Variants in PDE10A observed in about 807,000 individuals in gnomAD.
The protein encoded by PDE10A is cAMP and cAMP-inhibited cGMP 3',5'-cyclic phosphodiesterase 10A.
A neutral mutation model predicts 97.7 loss-of-function variants in PDE10A; 39 were observed. The ratio of observed to expected loss-of-function variants is 0.40; its 90% CI spans 0.31 to 0.52. The LOEUF is 0.52. Ranked by LOEUF, PDE10A falls within the 20% of genes least tolerant of loss-of-function variation. The pLI is 0.56. For synonymous variants in PDE10A, 371 were observed against 376.8 expected (o/e 0.98, Z 0.18); for missense variants, 731 against 1,047.8 (o/e 0.70, Z 4.17).
chr6:165,556,391 G>A (rs144750407), intron 1 of PDE10A, among the ~76,000 whole-genome samples: 93 of 152,338 alleles, frequency 6.1e-4, no homozygotes, highest in African/African-American at 2.2e-3. Flanking sequence ...ATACAAGGAA[G>A]TCCAAGGCTT....
At chr6:165,694,490 T>C (rs1435684794) in intron 1 of PDE10A, among the ~76,000 whole-genome samples, 1 of 152,244 alleles carries the variant, frequency 6.6e-6, no homozygotes, top group East Asian at 1.9e-4. Context: ...TTGCATTCAC[T>C]GCTCCTCAAC....
intron 1 of PDE10A, among the ~76,000 whole-genome samples, chr6:165,619,673 T>G (rs1210152877): frequency 1.3e-4 from 19 of 151,856 alleles, no homozygotes; most frequent in Admixed American, 1.0e-3. Flanking sequence ...TCTAGTGTAG[T>G]GTAGTCTAGT....
intron 3 of PDE10A, among the ~76,000 whole-genome samples, chr6:165,467,980 T>A (rs1778758331): frequency 6.6e-6 from 1 of 152,186 alleles, no homozygotes; most frequent in African/African-American, 2.4e-5. Context: ...TCAGAAGCCA[T>A]CTACATCTAG....
rs1781400929 is a variant in PDE10A at position 165,332,576 on chromosome 6, G to A, written c.*449C>T. The A allele has an allele frequency of 6.4e-6, 1 of 156,172 alleles. No homozygotes were observed. The highest frequency in any genetic ancestry group is 2.4e-5 in the African/African-American group (1 of 41,478). The allele number at this position is 156,172 out of a possible 1,614,324, so 9.7% of individuals were successfully genotyped here. ...CATTCACCATTCACAATAGTAATGT[G>A]TAAAAATTCCTATTTATATCCAACA... On this transcript the variant is annotated 3_prime_UTR_variant, in exon 22 of 22. Coordinates refer to ENST00000539869, the MANE Select transcript of PDE10A (RefSeq NM_001385079.1).
At chr6:165,901,559 T>C (rs1196077180) in intron 1 of PDE10A, among the ~76,000 whole-genome samples, 2 of 152,084 alleles carry the variant, frequency 1.3e-5, no homozygotes, top group Admixed American at 6.5e-5. Context: ...TCCCAGCACT[T>C]TGGGAAGCCG....
chr6:165,789,853 A>G (rs774439882), intron 1 of PDE10A, among the ~76,000 whole-genome samples: 17 of 152,270 alleles, frequency 1.1e-4, no homozygotes, highest in Admixed American at 9.8e-4. Context: ...TGGTTTACTC[A>G]TGGTCACTAT....
chr6:165,538,029 C>T lies in PDE10A; in HGVS notation c.994+5411G>A, dbSNP rs932166213. ...CCCCATTAATTTAATATCCTTCTTC[C>T]GTATATATACTAGCACAGAAACCAT... On this transcript the variant is annotated intron_variant, in intron 2 of 21. Coordinates refer to ENST00000539869, the MANE Select transcript of PDE10A (RefSeq NM_001385079.1). Among the ~76,000 whole-genome samples the T allele has an allele frequency of 7.2e-5, 11 of 151,892 alleles. No individual in the cohort carries two copies. The South Asian group carries it at 1.0e-3, about 14-fold the overall frequency.
intron 15 of PDE10A, 57 bp downstream of exon 15, chr6:165,395,124 G>A: frequency 1.9e-6 from 2 of 1,034,446 alleles, no homozygotes; most frequent in Non-Finnish European, 3.0e-6. Context: ...TATGTAGAAG[G>A]AGGAAGAGGT....
chr6:165,461,375 A>T (rs1243822705), intron 3 of PDE10A, among the ~76,000 whole-genome samples: 3 of 152,068 alleles, frequency 2.0e-5, no homozygotes, highest in African/African-American at 7.2e-5. Flanking sequence ...AAGCGTTTTC[A>T]TTGTTTTACA....
chr6:165,519,006 G>C (rs1361972500), intron 2 of PDE10A, among the ~76,000 whole-genome samples: 1 of 152,156 alleles, frequency 6.6e-6, no homozygotes, highest in African/African-American at 2.4e-5. Context: ...GGAATGGAAA[G>C]GGTTTTGAAT....
At chr6:165,868,754 G>C (rs375591483) in intron 1 of PDE10A, among the ~76,000 whole-genome samples, 11 of 151,990 alleles carry the variant, frequency 7.2e-5, no homozygotes, top group African/African-American at 2.7e-4. Context: ...GATGAACATA[G>C]ATGCAAAAAT....
chr6:165,563,846 G>A (rs924480652), intron 1 of PDE10A, among the ~76,000 whole-genome samples: 1 of 151,224 alleles, frequency 6.6e-6, no homozygotes, highest in Admixed American at 6.6e-5. Context: ...AGCTGAGATC[G>A]TGCCACTGCA....
intron 1 of PDE10A, among the ~76,000 whole-genome samples, chr6:165,927,166 T>C (rs1264283010): frequency 6.6e-6 from 1 of 152,112 alleles, no homozygotes; most frequent in African/African-American, 2.4e-5. Flanking sequence ...CCATGGCCTA[T>C]GTAACAAACC....
At chr6:165,843,163 C>G (rs759284341) in intron 1 of PDE10A, among the ~76,000 whole-genome samples, 1 of 152,212 alleles carries the variant, frequency 6.6e-6, no homozygotes, top group Non-Finnish European at 1.5e-5. Context: ...GGTCCCAGGT[C>G]CCGTCTAAGG....
At chr6:165,749,878 G>A (rs1166488420) in intron 1 of PDE10A, among the ~76,000 whole-genome samples, 2 of 152,190 alleles carry the variant, frequency 1.3e-5, no homozygotes, top group East Asian at 1.9e-4. Context: ...GCCACTCACA[G>A]TTCTTGAGGT....
intron 18 of PDE10A, among the ~76,000 whole-genome samples, chr6:165,354,594 G>A (rs1782905144): frequency 6.6e-6 from 1 of 152,154 alleles, no homozygotes; most frequent in African/African-American, 2.4e-5. Flanking sequence ...TACAACTGAG[G>A]TAAAGTGTCC....
At chr6:165,753,171 T>C (rs1428636427) in intron 1 of PDE10A, among the ~76,000 whole-genome samples, 1 of 152,270 alleles carries the variant, frequency 6.6e-6, no homozygotes, top group East Asian at 1.9e-4. Context: ...TAATGATACC[T>C]GAAACTACTC....
chr6:165,470,731 C>T (rs1778944187), intron 3 of PDE10A, among the ~76,000 whole-genome samples: 1 of 152,112 alleles, frequency 6.6e-6, no homozygotes, highest in Admixed American at 6.6e-5. Context: ...TGTGAAGGAA[C>T]AGGTAAAGCT....
chr6:165,669,085 A>G (rs115856937), intron 1 of PDE10A, among the ~76,000 whole-genome samples: 3 of 152,214 alleles, frequency 2.0e-5, no homozygotes, highest in South Asian at 4.1e-4. Context: ...GCACACACAC[A>G]GTCTACCCAG....
Sources: allele counts gnomAD v4.1 joint callset (sites outside exome capture counted in the v4.1 genomes callset), GRCh38; gene constraint gnomAD v4.1.1; transcripts MANE v1.5; gene names NCBI Gene and HGNC (gene_info 2026-07-23, HGNC 2026-07-21).